The following NDE1 variants were observed in gnomAD, a reference collection of about 807,000 sequenced individuals.
NDE1 encodes the protein nudE neurodevelopment protein 1, also known as nuclear distribution protein nudE homolog 1.
Under a neutral mutation model 43.4 loss-of-function variants are expected in NDE1, and 28 were observed. The observed-to-expected ratio is 0.65, with a 90% CI of 0.48 to 0.89. The LOEUF (loss-of-function observed/expected upper bound fraction) is 0.89, where lower values mean the gene tolerates loss of function less well. Among genes scored for constraint, NDE1 ranks in the 40% least tolerant of loss-of-function variants. The pLI is 0.00. For missense variants in NDE1, 441 were observed against 434.1 expected (o/e 1.02, Z -0.14); for synonymous variants, 184 against 172.0 (o/e 1.07, Z -0.55).
chr16:15,718,391 T>C lies in NDE1; in HGVS notation c.948-5800T>C. 2 of 1,601,354 alleles carry C rather than the reference T, an allele frequency of 1.2e-6. No homozygotes were observed. On this transcript the variant is annotated intron_variant, in intron 8 of 8. Transcript: ENST00000396354. ...CTCCTCCTCCAGCTCCTCCTCCAGCTGGGCGATCCGGGCCTCCAGGCGGCG... is the reference window on the plus strand; with the variant it reads ...CTCCTCCTCCAGCTCCTCCTCCAGCCGGGCGATCCGGGCCTCCAGGCGGCG...
rs1567687648 is a variant in NDE1, at chr16:15,717,209, A to G, written c.948-6982A>G. ...CTCCAGCGCCGCGATGGTGGACTTG[A>G]ACTTGGACTTGACGGCCCCCTCCAT... On this transcript the variant is annotated intron_variant, in intron 8 of 8. Coordinates refer to ENST00000396354, the MANE Select transcript of NDE1 (RefSeq NM_017668.3). 1.9e-6 allele frequency: 3 copies of G among 1,614,134 alleles called. No homozygotes were observed. Among genetic ancestry groups the G allele is most frequent in the Admixed American group, 1.7e-5 (1 of 60,004 alleles).
At chr16:15,681,592 G>GT (rs1306827814) in intron 4 of NDE1, among the ~76,000 whole-genome samples, 3 of 151,686 alleles carry the variant, frequency 2.0e-5, no homozygotes, top group African/African-American at 4.8e-5. Context: ...GTTGTTCGTT[G>GT]TTTTTTTTCC....
intron 8 of NDE1, chr16:15,715,385 CCT>C (rs2040070483): frequency 1.1e-6 from 1 of 914,142 alleles, no homozygotes; most frequent in East Asian, 2.4e-5. Flanking sequence ...TATCTGGACT[CCT>C]CTCAAGAATC....
chr16:15,725,090 G>T lies in NDE1; in HGVS notation c.*839G>T. 1 of 938,370 alleles carries T rather than the reference G, an allele frequency of 1.1e-6. No homozygotes were observed. Among genetic ancestry groups the T allele is most frequent in the Non-Finnish European group, 1.7e-6 (1 of 597,434 alleles). The allele number at this position is 938,370 out of a possible 1,614,324, so 58.1% of individuals were successfully genotyped here. On this transcript the variant is annotated 3_prime_UTR_variant, in exon 9 of 9. Transcript: ENST00000396354. ...CAAAACACATGGGCTAGTACTTGAG[G>T]TGTTCACTGATTGAGAAAATACCCG...
chr16:15,715,924 G>C lies in NDE1; in HGVS notation c.948-8267G>C, dbSNP rs145436705. 6.9e-3 allele frequency among the ~76,000 whole-genome samples: 1,043 copies of C among 152,200 alleles called. 12 individuals are homozygous for C. The highest frequency in any genetic ancestry group is 0.024 in the African/African-American group (1,015 of 41,516). ...GCAGATCACCTGTGGTCAGGAGTTC[G>C]AGACCAGCCTGGCCAACATGGTGAA... On this transcript the variant is annotated intron_variant, in intron 8 of 8. Coordinates refer to ENST00000396354, the MANE Select transcript of NDE1 (RefSeq NM_017668.3).
intron 5 of NDE1, among the ~76,000 whole-genome samples, chr16:15,689,913 C>T (rs566887674): frequency 1.3e-4 from 19 of 144,078 alleles, no homozygotes; most frequent in Non-Finnish European, 2.2e-4. Context: ...CACTTAAGCC[C>T]GGGCAAGAGA....
chr16:15,722,118 C>T (rs1335993798), intron 8 of NDE1, among the ~76,000 whole-genome samples: 1 of 152,026 alleles, frequency 6.6e-6, no homozygotes, highest in African/African-American at 2.4e-5. Flanking sequence ...CTCGGCCTCC[C>T]AAAGCACGGA....
At chr16:15,706,715 CAAAA>C (rs554587198) in intron 8 of NDE1, among the ~76,000 whole-genome samples, 15 of 150,122 alleles carry the variant, frequency 1.0e-4, no homozygotes, top group Middle Eastern at 3.4e-3. Flanking sequence ...AAAAAAAAAA[CAAAA>C]AAAAATCTGA....
intron 1 of NDE1, 86 bp from the exon 2 acceptor site, chr16:15,664,650 T>A (rs888047069): frequency 3.8e-5 from 31 of 813,706 alleles, no homozygotes; most frequent in Non-Finnish European, 5.5e-5. Context: ...CCACCGCGCC[T>A]GGCCAAGTTT....
intron 4 of NDE1, chr16:15,683,476 C>G (rs2038285562): frequency 1.3e-5 from 2 of 152,112 alleles, no homozygotes; most frequent in South Asian, 2.1e-4. Context: ...TCCCGAGTAC[C>G]TGGGACAACA....
Position 15,714,961 on chromosome 16 carries a change from C to G in NDE1, c.948-9230C>G, listed in dbSNP as rs1030614126. On this transcript the variant is annotated intron_variant, in intron 8 of 8. Coordinates refer to ENST00000396354, the MANE Select transcript of NDE1 (RefSeq NM_017668.3). ...TCGCGGCCCATGGCCTCGTTGCTCTCCGTGGCCTCATCCAGCTCCCGCTGC... is the reference window on the plus strand; with the variant it reads ...TCGCGGCCCATGGCCTCGTTGCTCTGCGTGGCCTCATCCAGCTCCCGCTGC... 3.1e-6 allele frequency: 5 copies of G among 1,614,006 alleles called. No homozygotes were observed. The African/African-American group carries it at 5.3e-5, about 17-fold the overall frequency.
intron 3 of NDE1, among the ~76,000 whole-genome samples, chr16:15,676,862 CTG>C (rs1194962810): frequency 6.6e-6 from 1 of 152,134 alleles, no homozygotes; most frequent in East Asian, 1.9e-4. Flanking sequence ...AGGTCTCACT[CTG>C]TGAGCCGGGC....
At chr16:15,694,902 G>A in intron 7 of NDE1, 1 of 985,274 alleles carries the variant, frequency 1.0e-6, no homozygotes, top group Non-Finnish European at 1.2e-6. Flanking sequence ...TTTTGGCCGG[G>A]TGCTCATACC....
At chr16:15,697,437 G>A (rs1375545412) in intron 8 of NDE1, among the ~76,000 whole-genome samples, 2 of 152,098 alleles carry the variant, frequency 1.3e-5, no homozygotes, top group Non-Finnish European at 2.9e-5. Context: ...GGCCAGGTGT[G>A]GTGACGCTCG....
At chr16:15,711,761 C>A (rs1230986113) in intron 8 of NDE1, among the ~76,000 whole-genome samples, 4 of 152,112 alleles carry the variant, frequency 2.6e-5, no homozygotes, top group African/African-American at 7.2e-5. Flanking sequence ...GGTGCGATCT[C>A]AGCTCACTGT....
intron 8 of NDE1, among the ~76,000 whole-genome samples, chr16:15,710,625 G>T (rs1045390676): frequency 1.1e-4 from 17 of 152,196 alleles, no homozygotes; most frequent in African/African-American, 4.1e-4. Context: ...GCTCAGCCCA[G>T]CCACTCAGGA....
In NDE1 at chr16:15,659,236, C is replaced by T. The variant is rs141579074; in HGVS notation, c.-43-5500C>T. On this transcript the variant is annotated intron_variant, in intron 1 of 8. Transcript: ENST00000396354. ...CATGGGTGAGGCTCACTAACTTCCACCAGAAGTTAGTGGTGGTGTCTGTGT... is the reference window on the plus strand; with the variant it reads ...CATGGGTGAGGCTCACTAACTTCCATCAGAAGTTAGTGGTGGTGTCTGTGT... Among the ~76,000 whole-genome samples the T allele has an allele frequency of 6.8e-3, 1,031 of 152,154 alleles. 8 individuals are homozygous for T. Among genetic ancestry groups the T allele is most frequent in the African/African-American group, 0.023 (968 of 41,500 alleles).
At chr16:15,716,371 AG>A (rs1387994517) in intron 8 of NDE1, among the ~76,000 whole-genome samples, 33 of 152,310 alleles carry the variant, frequency 2.2e-4, no homozygotes, top group African/African-American at 5.8e-4. Flanking sequence ...TTACTGAAAA[AG>A]CTACTAGAAG....
intron 8 of NDE1, chr16:15,717,562 A>G: frequency 1.7e-6 from 1 of 602,080 alleles, no homozygotes; most frequent in Non-Finnish European, 2.9e-6. Context: ...TTGGAAGCAG[A>G]GGCAGGTAAA....
Sources: allele counts gnomAD v4.1 joint callset (sites outside exome capture counted in the v4.1 genomes callset), GRCh38; gene constraint gnomAD v4.1.1; transcripts MANE v1.5; gene names NCBI Gene and HGNC (gene_info 2026-07-23, HGNC 2026-07-21).